Variants in IPO8 observed in about 807,000 individuals in gnomAD.
IPO8 encodes importin-8.
In IPO8, 65 loss-of-function variants were observed where a neutral mutation model predicts 141.2. The ratio of observed to expected loss-of-function variants is 0.46; its 90% CI spans 0.38 to 0.57. The LOEUF (loss-of-function observed/expected upper bound fraction) is 0.57, where lower values mean the gene tolerates loss of function less well. Ranked by LOEUF, IPO8 falls within the 20% of genes least tolerant of loss-of-function variation. IPO8 has a pLI of 0.00. For missense variants in IPO8, 980 were observed against 1,246.8 expected (o/e 0.79, Z 3.22); for synonymous variants, 411 against 420.3 (o/e 0.98, Z 0.27).
chr12:30,689,812 T>C (rs1018167190), intron 2 of IPO8, among the ~76,000 whole-genome samples: 1 of 152,244 alleles, frequency 6.6e-6, no homozygotes, highest in Non-Finnish European at 1.5e-5. Context: ...TACTTACATG[T>C]ATATGTCACT....
intron 5 of IPO8, among the ~76,000 whole-genome samples, chr12:30,678,431 TCA>T (rs2053150261): frequency 6.6e-6 from 1 of 152,150 alleles, no homozygotes; most frequent in Non-Finnish European, 1.5e-5. Flanking sequence ...ACAGCTGCTT[TCA>T]GTATTTGGTA....
intron 9 of IPO8, 93 bp downstream of exon 9, chr12:30,670,869 A>T (rs1036160344): frequency 8.0e-6 from 8 of 1,004,286 alleles, no homozygotes; most frequent in Non-Finnish European, 1.1e-5. Context: ...TATATATATA[A>T]AATGTAAAAT....
intron 16 of IPO8, among the ~76,000 whole-genome samples, 191 bp downstream of exon 16, chr12:30,660,949 TA>T (rs1481256436): frequency 2.6e-5 from 1 of 38,856 alleles, no homozygotes; most frequent in East Asian, 5.9e-4. Context: ...ATATTACAAA[TA>T]TTATGATGTA....
chr12:30,683,739 C>T (rs937486226), intron 3 of IPO8, among the ~76,000 whole-genome samples: 1 of 152,210 alleles, frequency 6.6e-6, no homozygotes, highest in Non-Finnish European at 1.5e-5. Context: ...TGACACAGAA[C>T]ACTGTCACTG....
chr12:30,653,617 A>G (rs1377331715), intron 17 of IPO8, among the ~76,000 whole-genome samples: 2 of 152,118 alleles, frequency 1.3e-5, no homozygotes, highest in Non-Finnish European at 2.9e-5. Flanking sequence ...AATCAAGACA[A>G]TAAGACCCAC....
At chr12:30,647,567 T>C (rs898724653) in intron 20 of IPO8, among the ~76,000 whole-genome samples, 1 of 117,276 alleles carries the variant, frequency 8.5e-6, no homozygotes, top group Non-Finnish European at 1.6e-5. Context: ...ATTGTGCCAC[T>C]GCACTCCAGC....
At position 30,637,177 on chromosome 12, in the gene IPO8, G is replaced by C; in HGVS notation, c.2500C>G (p.Arg834Gly). 2 of 1,612,064 alleles carry C rather than the reference G, an allele frequency of 1.2e-6. No homozygotes were observed. Among genetic ancestry groups the C allele is most frequent in the Non-Finnish European group, 1.7e-6 (2 of 1,179,254 alleles). Residue 834 changes from arginine (R) to glycine (G), a missense_variant, in exon 22 of 25, where the codon CGG becomes GGG. Physicochemically the swap from Arg to Gly is moderately radical, Grantham distance 125 (BLOSUM62 -2). Coordinates refer to ENST00000256079, the MANE Select transcript of IPO8 (RefSeq NM_006390.4). ...DTDCFLGHHD[R>G]KMCIIGLSIL... is the part of the protein sequence containing the mutation. Reference sequence around the variant, plus strand: ...CTCAGTCCTATTATACACATCTTCCGGTCATGATGCCTGCAAATTTTGAAG... The same window carrying C: ...CTCAGTCCTATTATACACATCTTCCCGTCATGATGCCTGCAAATTTTGAAG...
intron 5 of IPO8, 93 bp from the exon 6 acceptor site, chr12:30,676,680 G>A (rs2053124861): frequency 2.2e-6 from 2 of 899,534 alleles, no homozygotes; most frequent in Admixed American, 1.9e-5. Flanking sequence ...TATATGAAAG[G>A]GCTAACATTT....
chr12:30,690,261 T>C (rs373144150), intron 2 of IPO8, among the ~76,000 whole-genome samples: 4 of 152,078 alleles, frequency 2.6e-5, no homozygotes, highest in African/African-American at 9.7e-5. Flanking sequence ...AGGCAAGGAA[T>C]TGGTGGGTAA....
intron 6 of IPO8, 76 bp downstream of exon 6, chr12:30,676,421 CA>C (rs2053120794): frequency 1.3e-6 from 1 of 768,100 alleles, no homozygotes; most frequent in Non-Finnish European, 2.1e-6. Flanking sequence ...AAAGAGCAGT[CA>C]GGGATAATGC....
chr12:30,676,939 A>G (rs1388997971), intron 5 of IPO8: 19 of 1,533,018 alleles, frequency 1.2e-5, no homozygotes, highest in Non-Finnish European at 1.6e-5. Flanking sequence ...CTTGATGAAA[A>G]TATTTATTTC....
Position 30,695,833 on chromosome 12 carries a change from T to G in IPO8, c.-186A>C. On this transcript the variant is annotated 5_prime_UTR_variant, in exon 1 of 25. Transcript: ENST00000256079. The surrounding 1 kb of genome is among the most constrained non-coding windows in gnomAD (Gnocchi z 4.2). ...ACTCCGCGCCCCCTGTCCTCCCTTT[T>G]TCCCCCCCACAACTCGCTCTCCATT... 10 of 514,490 alleles carry G rather than the reference T, an allele frequency of 1.9e-5. No homozygotes were observed. Among genetic ancestry groups the G allele is most frequent in the East Asian group, 3.5e-5 (1 of 28,582 alleles). The allele number at this position is 514,490 out of a possible 1,614,324, so 31.9% of individuals were successfully genotyped here.
chr12:30,633,568 T>C (rs987365518), intron 23 of IPO8, among the ~76,000 whole-genome samples: 2 of 152,228 alleles, frequency 1.3e-5, no homozygotes, highest in Admixed American at 6.5e-5. Flanking sequence ...TGGCAAATAT[T>C]TTCTCCCCCC....
chr12:30,638,702 T>A (rs2052535500), intron 21 of IPO8, among the ~76,000 whole-genome samples: 1 of 152,200 alleles, frequency 6.6e-6, no homozygotes, highest in Non-Finnish European at 1.5e-5. Context: ...AGTCTCACTC[T>A]GTCGCCCAGG....
At chr12:30,633,904 T>C (rs2052466661) in intron 23 of IPO8, among the ~76,000 whole-genome samples, 179 bp downstream of exon 23, 1 of 152,212 alleles carries the variant, frequency 6.6e-6, no homozygotes, top group Non-Finnish European at 1.5e-5. Context: ...GATAGGTGTT[T>C]CATTATTTTA....
rs182448187 is a variant in IPO8, at chr12:30,634,516, A to G, written c.2696-230T>C. On this transcript the variant is annotated intron_variant, in intron 22 of 24. Coordinates refer to ENST00000256079, the MANE Select transcript of IPO8 (RefSeq NM_006390.4). ...TTACTGTAGAGTTTGCTAAGTTGAG[A>G]ATGTCCTTATCCTCCTCACTGAAAA... is the stretch of plus-strand genomic sequence containing the variant. Among the ~76,000 whole-genome samples, 5 of 152,276 alleles carry G rather than the reference A, an allele frequency of 3.3e-5. No individual in the cohort carries two copies. The East Asian group carries it at 9.6e-4, about 29-fold the overall frequency.
chr12:30,695,836 C>G lies in IPO8; in HGVS notation c.-189G>C. 3.8e-6 allele frequency: 2 copies of G among 530,536 alleles called. No individual in the cohort carries two copies. Among genetic ancestry groups the G allele is most frequent in the East Asian group, 6.6e-5 (2 of 30,446 alleles). 32.9% of individuals were successfully genotyped at this position (530,536 alleles called of 1,614,324 possible). ...CCGCGCCCCCTGTCCTCCCTTTTTC[C>G]CCCCCACAACTCGCTCTCCATTCAC... is the stretch of plus-strand genomic sequence containing the variant. On this transcript the variant is annotated 5_prime_UTR_variant, in exon 1 of 25. Transcript: ENST00000256079. This position sits in a 1 kb window ranked among gnomAD's most constrained non-coding sequence, Gnocchi z 4.2.
Position 30,680,549 on chromosome 12 carries a change from G to C in IPO8, c.572C>G (p.Pro191Arg), listed in dbSNP as rs781406701. The change falls in exon 5 of 25, where the codon CCT becomes CGT. Residue 191 changes from proline to arginine, a missense_variant. Coordinates refer to ENST00000256079, the MANE Select transcript of IPO8 (RefSeq NM_006390.4). ...RIQQQIVQLL[P>R]DSSYYSVLLQ... ...TAATACAGAATAATAGGAGGAATCA[G>C]GAAGGAGCTGAACAATTTGTTGCTG... 1.9e-6 allele frequency: 3 copies of C among 1,612,466 alleles called. No individual in the cohort carries two copies. In the East Asian group the frequency reaches 6.7e-5, roughly 36 times the overall value.
At chr12:30,654,733 A>T (rs2052775247) in intron 17 of IPO8, among the ~76,000 whole-genome samples, 1 of 152,138 alleles carries the variant, frequency 6.6e-6, no homozygotes, top group South Asian at 2.1e-4. Context: ...GAGAAAAAGG[A>T]AACTGTTGTA....
Sources: gnomAD v4.1 joint callset for allele counts (sites outside exome capture counted in the v4.1 genomes callset) on GRCh38, gnomAD v4.1.1 for gene constraint, Gnocchi (gnomAD v3.1) non-coding constraint, MANE v1.5 for transcripts, NCBI Gene and HGNC (gene_info 2026-07-23, HGNC 2026-07-21) for gene names.